Variants in TTLL11 observed in about 807,000 individuals in gnomAD.
TTLL11 encodes tubulin polyglutamylase TTLL11.
Under a neutral mutation model 51.7 loss-of-function variants are expected in TTLL11, and 42 were observed. That is an observed-to-expected ratio of 0.81 (90% CI 0.64 to 1.05). The LOEUF is 1.05. Ranked by LOEUF, TTLL11 falls within the 50% of genes least tolerant of loss-of-function variation. TTLL11 has a pLI of 0.00. For missense variants in TTLL11, 799 were observed against 940.4 expected (o/e 0.85, Z 1.97); for synonymous variants, 381 against 383.5 (o/e 0.99, Z 0.08).
In TTLL11 at chr9:121,926,794, C is replaced by T. The variant is rs1007445731; in HGVS notation, c.1481+47215G>A. On this transcript the variant is annotated intron_variant, in intron 6 of 8. Coordinates refer to ENST00000321582, the MANE Select transcript of TTLL11 (RefSeq NM_001139442.2). Reference sequence around the variant, plus strand: ...TTTTGGCACACTGCTTGTCTTCACCCACTCTGGCTGTTAAAACAGAAAATC... The same window carrying T: ...TTTTGGCACACTGCTTGTCTTCACCTACTCTGGCTGTTAAAACAGAAAATC... Among the ~76,000 whole-genome samples, 5 of 151,458 alleles carry T rather than the reference C, an allele frequency of 3.3e-5. No homozygotes were observed. In the South Asian group the frequency reaches 1.0e-3, roughly 31 times the overall value.
At chr9:121,899,207 C>A (rs1403125777) in intron 6 of TTLL11, among the ~76,000 whole-genome samples, 1 of 152,100 alleles carries the variant, frequency 6.6e-6, no homozygotes, top group African/African-American at 2.4e-5. Context: ...AGCTCTTCCT[C>A]CCTCAGCTTG....
chr9:122,039,212 G>A, intron 2 of TTLL11, 60 bp downstream of exon 2: 17 of 1,340,498 alleles, frequency 1.3e-5, no homozygotes, highest in Non-Finnish European at 1.8e-5. Context: ...TTTAGTAGAA[G>A]AGTGTATCTG....
At chr9:121,884,867 C>A (rs1043081487) in intron 6 of TTLL11, 1 of 152,230 alleles carries the variant, frequency 6.6e-6, no homozygotes, top group African/African-American at 2.4e-5. Context: ...ATCTACAGGG[C>A]AATTTCCCAT....
intron 1 of TTLL11, among the ~76,000 whole-genome samples, chr9:122,060,621 T>C: frequency 6.6e-6 from 1 of 152,212 alleles, no homozygotes; most frequent in East Asian, 1.9e-4. Context: ...AATCAGATCT[T>C]GGTTTGAATC....
chr9:122,011,315 A>C (rs1247709629), intron 3 of TTLL11, among the ~76,000 whole-genome samples: 1 of 152,172 alleles, frequency 6.6e-6, no homozygotes, highest in African/African-American at 2.4e-5. Context: ...AAAACAGACT[A>C]ATATAGCCTT....
chr9:122,044,287 T>C (rs1027560157), intron 1 of TTLL11, among the ~76,000 whole-genome samples: 1 of 152,144 alleles, frequency 6.6e-6, no homozygotes, highest in African/African-American at 2.4e-5. Context: ...GTTCCAAGTC[T>C]TTGCTATTGT....
chr9:121,883,216 C>G (rs368392314), intron 6 of TTLL11, among the ~76,000 whole-genome samples: 1 of 152,060 alleles, frequency 6.6e-6, no homozygotes, highest in Non-Finnish European at 1.5e-5. Flanking sequence ...AATTGTGTGG[C>G]CTTAGGAAAT....
intron 8 of TTLL11, among the ~76,000 whole-genome samples, chr9:121,831,126 A>C (rs1224616672): frequency 1.3e-5 from 2 of 152,236 alleles, no homozygotes; most frequent in Non-Finnish European, 2.9e-5. Context: ...CTTATGCAGG[A>C]GGGCCTCTGA....
chr9:121,831,363 A>G (rs1758020808), intron 8 of TTLL11, among the ~76,000 whole-genome samples: 1 of 152,186 alleles, frequency 6.6e-6, no homozygotes, highest in African/African-American at 2.4e-5. Flanking sequence ...CAACTTGGCC[A>G]TCTCTTGAAG....
intron 3 of TTLL11, among the ~76,000 whole-genome samples, chr9:122,021,581 A>G (rs1054822323): frequency 6.6e-6 from 1 of 152,162 alleles, no homozygotes; most frequent in Non-Finnish European, 1.5e-5. Context: ...GAGCACACAT[A>G]AGACTGTTGC....
At chr9:122,070,535 T>G (rs773099636) in intron 1 of TTLL11, among the ~76,000 whole-genome samples, 3 of 152,138 alleles carry the variant, frequency 2.0e-5, no homozygotes, top group Non-Finnish European at 2.9e-5. Flanking sequence ...CTTTTAAATG[T>G]GACACCCCGA....
intron 8 of TTLL11, among the ~76,000 whole-genome samples, chr9:121,838,554 A>G (rs911597323): frequency 2.0e-5 from 3 of 151,812 alleles, no homozygotes; most frequent in Admixed American, 6.6e-5. Context: ...CCCTGTCTCT[A>G]CCAAAAATAC....
At chr9:121,833,368 C>T (rs1837083794) in intron 8 of TTLL11, among the ~76,000 whole-genome samples, 1 of 152,176 alleles carries the variant, frequency 6.6e-6, no homozygotes, top group African/African-American at 2.4e-5. Flanking sequence ...TAGGCCAAAG[C>T]CCCCTGCTCT....
intron 6 of TTLL11, among the ~76,000 whole-genome samples, chr9:121,873,273 T>C (rs1239643396): frequency 6.6e-6 from 1 of 152,192 alleles, no homozygotes; most frequent in African/African-American, 2.4e-5. Flanking sequence ...AACTGAGGCT[T>C]GGCAAGGTGT....
intron 6 of TTLL11, among the ~76,000 whole-genome samples, chr9:121,876,184 G>C (rs1838556861): frequency 6.6e-6 from 1 of 152,222 alleles, no homozygotes; most frequent in Non-Finnish European, 1.5e-5. Context: ...CCCATGCTTA[G>C]TTCACTATAT....
intron 4 of TTLL11, among the ~76,000 whole-genome samples, chr9:121,986,912 T>C (rs934891928): frequency 2.6e-5 from 4 of 151,878 alleles, no homozygotes; most frequent in Non-Finnish European, 5.9e-5. Context: ...GATAATAAAT[T>C]GTGCATATTC....
chr9:121,990,771 G>A (rs976144406), intron 3 of TTLL11, among the ~76,000 whole-genome samples: 1 of 152,078 alleles, frequency 6.6e-6, no homozygotes, highest in Non-Finnish European at 1.5e-5. Flanking sequence ...AGATCTTTTT[G>A]AAACAAGATC....
chr9:122,031,206 T>C (rs1212947255), intron 3 of TTLL11, among the ~76,000 whole-genome samples: 2 of 152,208 alleles, frequency 1.3e-5, no homozygotes, highest in South Asian at 4.1e-4. Flanking sequence ...TATTACATGC[T>C]CAAACCTGGT....
chr9:122,005,447 C>T (rs1336271665), intron 3 of TTLL11, among the ~76,000 whole-genome samples: 4 of 152,108 alleles, frequency 2.6e-5, no homozygotes, highest in African/African-American at 9.7e-5. Flanking sequence ...TTCCAAGATC[C>T]TACACACTCT....
Sources: gnomAD v4.1 joint callset for allele counts (sites outside exome capture counted in the v4.1 genomes callset) on GRCh38, gnomAD v4.1.1 for gene constraint, MANE v1.5 for transcripts, NCBI Gene and HGNC (gene_info 2026-07-23, HGNC 2026-07-21) for gene names.